The following GALNT13 variants were observed in gnomAD, a reference collection of about 807,000 sequenced individuals.
GALNT13 encodes the protein polypeptide N-acetylgalactosaminyltransferase 13.
GALNT13 carries 28 observed loss-of-function variants against 64.2 expected under a neutral mutation model. The ratio of observed to expected loss-of-function variants is 0.44; its 90% confidence interval spans 0.32 to 0.60. The LOEUF (loss-of-function observed/expected upper bound fraction) is 0.60, where lower values mean the gene tolerates loss of function less well. Among genes scored for constraint, GALNT13 ranks in the 20% least tolerant of loss-of-function variants. GALNT13 has a pLI of 0.05. For synonymous variants in GALNT13, 214 were observed against 224.6 expected (o/e 0.95, Z 0.42); for missense variants, 577 against 669.8 (o/e 0.86, Z 1.53).
At chr2:153,816,020 G>T in the GALNT13 span, among the ~76,000 whole-genome samples, 899 of 152,182 alleles carry the variant, frequency 5.9e-3, 5 homozygotes, top group Non-Finnish European at 0.011. Context: ...CTTGATGGAG[G>T]GTCATACCTG....
intron 9 of GALNT13, among the ~76,000 whole-genome samples, chr2:154,360,631 G>A (rs1437782265): frequency 3.3e-5 from 5 of 152,112 alleles, no homozygotes; most frequent in Admixed American, 1.3e-4. Flanking sequence ...AATTTGCAAC[G>A]TGTACCTATG....
chr2:154,220,228 G>A (rs1688255394), intron 4 of GALNT13, among the ~76,000 whole-genome samples: 1 of 151,908 alleles, frequency 6.6e-6, no homozygotes, highest in African/African-American at 2.4e-5. Context: ...TATATTCCAA[G>A]TACAAATTTT....
Position 154,079,705 on chromosome 2 carries a change from G to T in GALNT13, c.143-60632G>T, listed in dbSNP as rs553995255. The stretch of plus-strand genomic sequence containing the variant: ...GCATGCAGAGTGTGATTACGAAGTT[G>T]CTTGCATACTTACCTCAGGCTTTTT... On this transcript the variant is annotated intron_variant, in intron 3 of 12. Coordinates refer to ENST00000392825, the MANE Select transcript of GALNT13 (RefSeq NM_052917.4). Among the ~76,000 whole-genome samples the T allele has an allele frequency of 3.3e-5, 5 of 151,556 alleles. No individual in the cohort carries two copies. The East Asian group carries it at 9.7e-4, about 30-fold the overall frequency.
At chr2:153,360,309 G>A in the GALNT13 span, among the ~76,000 whole-genome samples, 1 of 152,174 alleles carries the variant, frequency 6.6e-6, no homozygotes, top group East Asian at 1.9e-4. Context: ...CCACTAGTGA[G>A]CCCATACTAC....
the GALNT13 span, among the ~76,000 whole-genome samples, chr2:153,233,666 G>A: frequency 3.9e-5 from 6 of 152,058 alleles, no homozygotes; most frequent in East Asian, 1.2e-3. Context: ...TCAGACTTAG[G>A]GGCAAATAAT....
the GALNT13 span, among the ~76,000 whole-genome samples, chr2:153,403,630 A>G: frequency 6.6e-6 from 1 of 152,080 alleles, no homozygotes; most frequent in Admixed American, 6.5e-5. Context: ...TAATCTTGTG[A>G]TGCGCCGTTT....
chr2:154,320,064 A>G (rs905266900), intron 9 of GALNT13, among the ~76,000 whole-genome samples: 4 of 152,096 alleles, frequency 2.6e-5, no homozygotes, highest in African/African-American at 9.7e-5. Context: ...ATGTAATAAC[A>G]GACTATTATT....
At chr2:154,255,515 T>C (rs1393447272) in intron 7 of GALNT13, among the ~76,000 whole-genome samples, 1 of 152,082 alleles carries the variant, frequency 6.6e-6, no homozygotes, top group Non-Finnish European at 1.5e-5. Flanking sequence ...TAATAGTCGA[T>C]GAGCAAGGGC....
the GALNT13 span, among the ~76,000 whole-genome samples, chr2:153,584,471 C>G: frequency 6.6e-6 from 1 of 152,214 alleles, no homozygotes; most frequent in Non-Finnish European, 1.5e-5. Context: ...CAGCCACTTG[C>G]AACCATTGCT....
At chr2:153,280,728 T>C in the GALNT13 span, among the ~76,000 whole-genome samples, 1 of 152,178 alleles carries the variant, frequency 6.6e-6, no homozygotes, top group African/African-American at 2.4e-5. Context: ...ACCAAAAATA[T>C]GGTTGGTATG....
At position 154,450,819 on chromosome 2, in the gene GALNT13, A is replaced by G; in HGVS notation, c.*268A>G. On this transcript the variant is annotated 3_prime_UTR_variant, in exon 13 of 13. Transcript: ENST00000392825. ...AAAACAAATTGTGTTTGCTTTAAGA[A>G]AAATGTTTATTGCACTCATGTCATA... is the stretch of plus-strand genomic sequence containing the variant. 3.0e-6 allele frequency: 1 copy of G among 332,188 alleles called. No homozygotes were observed. Among genetic ancestry groups the G allele is most frequent in the Admixed American group, 4.4e-5 (1 of 22,736 alleles). The allele number at this position is 332,188 out of a possible 1,614,324, so 20.6% of individuals were successfully genotyped here.
At chr2:153,306,308 C>T in the GALNT13 span, among the ~76,000 whole-genome samples, 5 of 152,124 alleles carry the variant, frequency 3.3e-5, no homozygotes, top group Non-Finnish European at 5.9e-5. Context: ...GGTGAACTAA[C>T]TTCAGCTTCT....
At chr2:154,158,113 C>A (rs529028896) in intron 4 of GALNT13, among the ~76,000 whole-genome samples, 1 of 152,214 alleles carries the variant, frequency 6.6e-6, no homozygotes, top group African/African-American at 2.4e-5. Context: ...AGACTTCTCC[C>A]CTGATATCGA....
intron 2 of GALNT13, among the ~76,000 whole-genome samples, chr2:153,919,192 G>A (rs10168458): frequency 0.2 from 30,605 of 151,380 alleles, 4,043 homozygotes; most frequent in Middle Eastern, 0.33. Flanking sequence ...ATTCTTTATG[G>A]CACCCTCATT....
the GALNT13 span, among the ~76,000 whole-genome samples, chr2:153,426,450 A>G: frequency 2.0e-5 from 3 of 151,992 alleles, no homozygotes; most frequent in Admixed American, 1.3e-4. Context: ...CTGGGTCCAG[A>G]AGCTTAATGT....
At chr2:154,310,841 C>G (rs1022149263) in intron 9 of GALNT13, among the ~76,000 whole-genome samples, 3 of 151,896 alleles carry the variant, frequency 2.0e-5, no homozygotes, top group Non-Finnish European at 4.4e-5. Flanking sequence ...AAAAATACGG[C>G]CTTCCACATA....
At position 154,151,361 on chromosome 2, in the gene GALNT13, A is replaced by G. The variant is rs1381593220; in HGVS notation, c.311+10856A>G. 5.3e-5 allele frequency among the ~76,000 whole-genome samples: 8 copies of G among 152,264 alleles called. No homozygotes were observed. The East Asian group carries it at 1.2e-3, about 22-fold the overall frequency. On this transcript the variant is annotated intron_variant, in intron 4 of 12. Coordinates refer to ENST00000392825, the MANE Select transcript of GALNT13 (RefSeq NM_052917.4). ...AGCTTTACTTCCAAGTATGTGGTCA[A>G]TTTTGGAATAGGTGTGGTGCAGTGC...
intron 9 of GALNT13, among the ~76,000 whole-genome samples, chr2:154,375,332 C>T (rs1697924327): frequency 6.6e-6 from 1 of 151,736 alleles, no homozygotes; most frequent in Admixed American, 6.6e-5. Context: ...GAGGACAGGC[C>T]CAAGATAAAA....
chr2:153,345,643 C>CTTTCTTTCTTT, the GALNT13 span, among the ~76,000 whole-genome samples: 145 of 99,182 alleles, frequency 1.5e-3, 2 homozygotes, highest in African/African-American at 5.1e-3. Context: ...CTTTTTCTTT[C>CTTTCTTTCTTT]TTTCTTTCTT....
Sources: allele counts gnomAD v4.1 joint callset (sites outside exome capture counted in the v4.1 genomes callset), GRCh38; gene constraint gnomAD v4.1.1; transcripts MANE v1.5; gene names NCBI Gene and HGNC (gene_info 2026-07-23, HGNC 2026-07-21).